AGO3: variants seen among roughly 807,000 people sequenced by gnomAD.
The protein encoded by AGO3 is protein argonaute-3.
Under a neutral mutation model 105.5 loss-of-function variants are expected in AGO3, and 16 were observed. The ratio of observed to expected loss-of-function variants is 0.15; its 90% CI spans 0.10 to 0.23. The LOEUF is 0.23. AGO3 is among the 10% of genes least tolerant of loss of function. The probability of loss-of-function intolerance (pLI) is 1.00; values close to 1 mark genes in which losing one functional copy is unlikely to be tolerated. For synonymous variants in AGO3, 340 were observed against 367.3 expected, an observed-to-expected ratio of 0.93 and a Z score of 0.85; for missense variants, 534 against 1,088.0, an observed-to-expected ratio of 0.49 and a Z score of 7.16.
intron 12 of AGO3, among the ~76,000 whole-genome samples, chr1:36,033,009 G>A (rs896811555): frequency 6.6e-6 from 1 of 152,114 alleles, no homozygotes; most frequent in African/African-American, 2.4e-5. Flanking sequence ...GCAGGTGCCT[G>A]TAATCCCAGC....
rs1393142358 is a variant in AGO3 at position 35,945,057 on chromosome 1, G to A, written c.20-635G>A. Among the ~76,000 whole-genome samples the A allele has an allele frequency of 2.0e-5, 3 of 152,020 alleles. No homozygotes were observed. In the South Asian group the frequency reaches 6.2e-4, roughly 32 times the overall value. On this transcript the variant is annotated intron_variant, in intron 1 of 18. Transcript: ENST00000373191. ...GAGCTCAGGCGATCCACCTGCTTTG[G>A]CCTCCCAGAGTCCCAAAGTGCTGGG...
At chr1:36,006,473 A>G (rs1162483662) in intron 6 of AGO3, among the ~76,000 whole-genome samples, 4 of 152,050 alleles carry the variant, frequency 2.6e-5, no homozygotes, top group Non-Finnish European at 4.4e-5. Flanking sequence ...GGCTTGGAGA[A>G]CCTTATTAAT....
At chr1:35,973,171 A>G (rs1249499994) in intron 4 of AGO3, among the ~76,000 whole-genome samples, 1 of 152,104 alleles carries the variant, frequency 6.6e-6, no homozygotes, top group Non-Finnish European at 1.5e-5. Context: ...TCAACCAACA[A>G]TTTTGAGAAA....
Position 36,024,883 on chromosome 1 carries a change from C to T in AGO3, c.1407-2231C>T, listed in dbSNP as rs79185176. ...ATTCTGGCCAAAGAAACTGAAGCAT[C>T]GTATTCCTTCTATCTCCCTGGCCTT... On this transcript the variant is annotated intron_variant, in intron 11 of 18. Transcript: ENST00000373191. Among the ~76,000 whole-genome samples, 680 of 152,060 alleles carry T rather than the reference C, an allele frequency of 4.5e-3. 6 individuals carry two copies. The highest frequency in any genetic ancestry group is 0.015 in the African/African-American group (630 of 41,460).
chr1:35,931,630 C>T (rs1001950173), intron 1 of AGO3, among the ~76,000 whole-genome samples, 185 bp downstream of exon 1: 1 of 152,250 alleles, frequency 6.6e-6, no homozygotes, highest in African/African-American at 2.4e-5. Flanking sequence ...CCGGGGGCCC[C>T]TGAGTCGGCG....
intron 17 of AGO3, among the ~76,000 whole-genome samples, chr1:36,044,578 T>C (rs561654572): frequency 2.0e-5 from 3 of 152,000 alleles, no homozygotes; most frequent in East Asian, 1.9e-4. Flanking sequence ...CTGAGATTAC[T>C]GGGTGCCACC....
chr1:36,051,534 A>G (rs1270888408), intron 17 of AGO3, among the ~76,000 whole-genome samples: 1 of 152,098 alleles, frequency 6.6e-6, no homozygotes, highest in Non-Finnish European at 1.5e-5. Context: ...AGCCTGGGCA[A>G]CATAGTGAGA....
At chr1:35,963,760 G>A (rs1161308411) in intron 2 of AGO3, among the ~76,000 whole-genome samples, 5 of 152,072 alleles carry the variant, frequency 3.3e-5, no homozygotes, top group Non-Finnish European at 5.9e-5. Context: ...TGTGGTAATC[G>A]GGAATGGAAA....
At chr1:36,053,453 G>A (rs1642799762) in intron 17 of AGO3, among the ~76,000 whole-genome samples, 1 of 151,774 alleles carries the variant, frequency 6.6e-6, no homozygotes, top group African/African-American at 2.4e-5. Flanking sequence ...CTCATTTTTT[G>A]TATTTGTAGT....
Position 36,056,349 on chromosome 1 carries a change from C to A in AGO3, c.*604C>A, listed in dbSNP as rs1471296383. ...CCCTTTTATTCTACCCCCACTACCG[C>A]CTTTATTTCTCTATTTCCCTTGCCT... is the stretch of plus-strand genomic sequence containing the variant. On this transcript the variant is annotated 3_prime_UTR_variant, in exon 19 of 19. Transcript: ENST00000373191. 1 of 152,148 alleles carries A rather than the reference C, an allele frequency of 6.6e-6. No homozygotes were observed. The allele number at this position is 152,148 out of a possible 1,614,324, so 9.4% of individuals were successfully genotyped here.
Position 35,972,246 on chromosome 1 carries a change from C to G in AGO3, c.521+14C>G, listed in dbSNP as rs536925950. ...GCCCTCCATGAAGTGGGTGCTTCTG[C>G]TTTTTTTCTCTTTAGATTTTAAACT... On this transcript the variant is annotated intron_variant, in intron 4 of 18. Coordinates refer to ENST00000373191, the MANE Select transcript of AGO3 (RefSeq NM_024852.4). 1 of 1,611,610 alleles carries G rather than the reference C, an allele frequency of 6.2e-7. No homozygotes were observed. Among genetic ancestry groups the G allele is most frequent in the East Asian group, 2.2e-5 (1 of 44,862 alleles).
chr1:35,979,482 C>T (rs1399325578), intron 5 of AGO3, among the ~76,000 whole-genome samples: 1 of 151,840 alleles, frequency 6.6e-6, no homozygotes, highest in Admixed American at 6.6e-5. Flanking sequence ...AAGATATATT[C>T]ATATATTAGT....
intron 2 of AGO3, among the ~76,000 whole-genome samples, chr1:35,958,652 CA>C (rs11448667): frequency 2.1e-3 from 285 of 132,742 alleles, no homozygotes; most frequent in Non-Finnish European, 2.2e-3. Flanking sequence ...GACCTTGTCT[CA>C]AAAAAAAAAA....
At chr1:35,975,153 G>A (rs1430341110) in intron 5 of AGO3, among the ~76,000 whole-genome samples, 1 of 152,126 alleles carries the variant, frequency 6.6e-6, no homozygotes, top group East Asian at 1.9e-4. Context: ...ATTAATATTT[G>A]TAATTTGTAT....
intron 5 of AGO3, chr1:35,982,527 T>C (rs1408531690): frequency 1.6e-6 from 1 of 626,028 alleles, no homozygotes; most frequent in Non-Finnish European, 2.9e-6. Context: ...TAAAAACAAA[T>C]CAATGAAATA....
rs1383907526 is a variant in AGO3, at chr1:36,057,667, A to G, written c.*1922A>G. The G allele has an allele frequency of 1.3e-5, 2 of 152,194 alleles. No homozygotes were observed. Among genetic ancestry groups the G allele is most frequent in the African/African-American group, 4.8e-5 (2 of 41,444 alleles). The allele number at this position is 152,194 out of a possible 1,614,324, so 9.4% of individuals were successfully genotyped here. A position where few individuals can be genotyped will look rare whatever the true frequency, so the allele number is the denominator to read the frequency against. On this transcript the variant is annotated 3_prime_UTR_variant, in exon 19 of 19. Coordinates refer to ENST00000373191, the MANE Select transcript of AGO3 (RefSeq NM_024852.4). The stretch of plus-strand genomic sequence containing the variant: ...GTTTTGTAATTTTCAGTTTTAAAGC[A>G]TATCTTTTAAAATTCATCATGATAA...
At chr1:35,995,389 A>G (rs1036497678) in intron 5 of AGO3, among the ~76,000 whole-genome samples, 1 of 151,952 alleles carries the variant, frequency 6.6e-6, no homozygotes, top group African/African-American at 2.4e-5. Flanking sequence ...AACTACTGAA[A>G]TCAAAACAGT....
chr1:36,053,852 G>A (rs751439222), intron 17 of AGO3, among the ~76,000 whole-genome samples: 2 of 148,806 alleles, frequency 1.3e-5, no homozygotes, highest in Non-Finnish European at 3.0e-5. Flanking sequence ...TGGTTCAAGC[G>A]ATTCTCCTGC....
chr1:36,018,582 G>A (rs1270964740), intron 11 of AGO3, among the ~76,000 whole-genome samples: 1 of 151,872 alleles, frequency 6.6e-6, no homozygotes, highest in Admixed American at 6.6e-5. Context: ...ACAGGCATGT[G>A]CCACCATGCC....
Sources: allele counts gnomAD v4.1 joint callset (sites outside exome capture counted in the v4.1 genomes callset), GRCh38; gene constraint gnomAD v4.1.1; transcripts MANE v1.5; gene names NCBI Gene and HGNC (gene_info 2026-07-23, HGNC 2026-07-21).